Variants in MACROD2 observed in about 807,000 individuals in gnomAD.
MACROD2 encodes ADP-ribose glycohydrolase MACROD2.
Under a neutral mutation model 70.4 loss-of-function variants are expected in MACROD2, and 36 were observed. That is an observed-to-expected ratio of 0.51 (90% CI 0.39 to 0.68). The LOEUF (loss-of-function observed/expected upper bound fraction) is 0.68, where lower values mean the gene tolerates loss of function less well. MACROD2 is among the 30% of genes least tolerant of loss of function. The probability of loss-of-function intolerance (pLI) is 0.00; values close to 1 mark genes in which losing one functional copy is unlikely to be tolerated. For missense variants in MACROD2, 496 were observed against 538.4 expected (o/e 0.92, Z 0.78); for synonymous variants, 172 against 178.8 (o/e 0.96, Z 0.30).
At chr20:15,201,077 C>G (rs570447207) in intron 5 of MACROD2, among the ~76,000 whole-genome samples, 1 of 152,276 alleles carries the variant, frequency 6.6e-6, no homozygotes, top group East Asian at 1.9e-4. Context: ...TGCTGATCTG[C>G]AAACCATAAT....
intron 12 of MACROD2, among the ~76,000 whole-genome samples, chr20:15,967,282 T>C (rs182068169): frequency 1.3e-5 from 2 of 152,280 alleles, no homozygotes; most frequent in East Asian, 1.9e-4. Context: ...CTTTCCCTGA[T>C]GCAAAAAGCC....
At chr20:15,216,390 A>G (rs2076810398) in intron 5 of MACROD2, among the ~76,000 whole-genome samples, 3 of 152,130 alleles carry the variant, frequency 2.0e-5, no homozygotes, top group East Asian at 1.9e-4. Flanking sequence ...TCAAGGATAA[A>G]TAGGAAGTTG....
At chr20:14,956,271 A>T (rs2122751153) in intron 5 of MACROD2, among the ~76,000 whole-genome samples, 1 of 152,272 alleles carries the variant, frequency 6.6e-6, no homozygotes, top group African/African-American at 2.4e-5. Flanking sequence ...CTTGCAATGT[A>T]ATTCACCACT....
At chr20:14,104,617 A>G (rs1480428638) in intron 3 of MACROD2, among the ~76,000 whole-genome samples, 1 of 152,132 alleles carries the variant, frequency 6.6e-6, no homozygotes, top group Non-Finnish European at 1.5e-5. Context: ...TTGAGGTTTT[A>G]CCTTAGGCAA....
At chr20:14,422,972 C>T (rs1238423365) in intron 3 of MACROD2, among the ~76,000 whole-genome samples, 1 of 152,178 alleles carries the variant, frequency 6.6e-6, no homozygotes, top group Non-Finnish European at 1.5e-5. Flanking sequence ...ACAGCCTTAG[C>T]TTTTATCAGC....
intron 5 of MACROD2, among the ~76,000 whole-genome samples, chr20:15,133,605 A>G (rs1450974656): frequency 6.6e-6 from 1 of 152,106 alleles, no homozygotes; most frequent in African/African-American, 2.4e-5. Context: ...GTTTCAGAAT[A>G]TTTATCAGAA....
intron 4 of MACROD2, among the ~76,000 whole-genome samples, chr20:14,552,311 T>C (rs907896407): frequency 9.8e-5 from 13 of 132,830 alleles, no homozygotes; most frequent in African/African-American, 3.5e-4. Context: ...ACTATTCATA[T>C]CTCTATGTGG....
intron 5 of MACROD2, among the ~76,000 whole-genome samples, chr20:15,164,313 G>A (rs1440120575): frequency 2.0e-5 from 3 of 152,112 alleles, no homozygotes; most frequent in Admixed American, 1.3e-4. Context: ...AGGAAGATGT[G>A]TGTACATTAT....
At chr20:14,834,870 G>A (rs1449509365) in intron 5 of MACROD2, among the ~76,000 whole-genome samples, 2 of 151,754 alleles carry the variant, frequency 1.3e-5, no homozygotes, top group Admixed American at 6.6e-5. Flanking sequence ...ATTTATATGT[G>A]TGTATATATG....
intron 7 of MACROD2, among the ~76,000 whole-genome samples, chr20:15,477,195 G>A (rs1225874242): frequency 6.8e-6 from 1 of 147,542 alleles, no homozygotes; most frequent in African/African-American, 2.5e-5. Context: ...TGAATTTCTG[G>A]GCTCAAGTGA....
chr20:14,358,307 A>G (rs1476818891), intron 3 of MACROD2, among the ~76,000 whole-genome samples: 1 of 152,222 alleles, frequency 6.6e-6, no homozygotes, highest in Non-Finnish European at 1.5e-5. Context: ...TCTTGGGGAC[A>G]GTTTATAAAA....
At chr20:14,245,669 G>A (rs899397144) in intron 3 of MACROD2, among the ~76,000 whole-genome samples, 25 of 152,152 alleles carry the variant, frequency 1.6e-4, no homozygotes, top group Admixed American at 5.2e-4. Context: ...GAATAGGAGA[G>A]GGGTATTCCA....
chr20:15,717,579 A>G (rs1230077835), intron 8 of MACROD2, among the ~76,000 whole-genome samples: 5 of 152,228 alleles, frequency 3.3e-5, no homozygotes, highest in African/African-American at 1.2e-4. Flanking sequence ...CAAAACAGGG[A>G]TGTGAGCGTG....
At position 15,602,194 on chromosome 20, in the gene MACROD2, G is replaced by A. The variant is rs375604; in HGVS notation, c.645+102347G>A. ...AAGCTGGAGCTACCAGCCTCTATACGGATTGACTTAGCTAAAGAAAGCCCG... is the reference window on the plus strand; with the variant it reads ...AAGCTGGAGCTACCAGCCTCTATACAGATTGACTTAGCTAAAGAAAGCCCG... On this transcript the variant is annotated intron_variant, in intron 8 of 17. Transcript: ENST00000684519. 5.0e-3 allele frequency among the ~76,000 whole-genome samples: 760 copies of A among 152,164 alleles called. 4 individuals are homozygous for A. Among genetic ancestry groups the A allele is most frequent in the Middle Eastern group, 0.014 (4 of 294 alleles).
intron 8 of MACROD2, among the ~76,000 whole-genome samples, chr20:15,780,077 G>T (rs1413311823): frequency 6.6e-6 from 1 of 151,790 alleles, no homozygotes; most frequent in Non-Finnish European, 1.5e-5. Context: ...TCAGGGAATT[G>T]CCTTCTGAAT....
intron 3 of MACROD2, chr20:14,127,520 C>T: frequency 2.0e-6 from 1 of 493,426 alleles, no homozygotes. Context: ...GCAAGTTGCT[C>T]TACTTAAGGA....
chr20:14,910,717 C>T (rs561125037), intron 5 of MACROD2, among the ~76,000 whole-genome samples: 1 of 152,266 alleles, frequency 6.6e-6, no homozygotes, highest in South Asian at 2.1e-4. Flanking sequence ...ATCTTGGAGA[C>T]TCAGTTCTTT....
rs1431019485 is a variant in MACROD2, at chr20:16,051,484, T to G, written c.*1608T>G. On this transcript the variant is annotated 3_prime_UTR_variant, in exon 18 of 18. Transcript: ENST00000684519. ...ATACTTCAGCATATGCACTATATTC[T>G]AACAAATTTTTTTTAATAAAATCAA... 4 of 152,110 alleles carry G rather than the reference T, an allele frequency of 2.6e-5. No homozygotes were observed. Among genetic ancestry groups the G allele is most frequent in the African/African-American group, 9.7e-5 (4 of 41,390 alleles). The allele number at this position is 152,110 out of a possible 1,614,324, so 9.4% of individuals were successfully genotyped here. A position where few individuals can be genotyped will look rare whatever the true frequency, so the allele number is the denominator to read the frequency against.
At chr20:14,906,068 TAAG>T (rs1372207964) in intron 5 of MACROD2, 1 of 152,162 alleles carries the variant, frequency 6.6e-6, no homozygotes, top group Non-Finnish European at 1.5e-5. Context: ...GAGGAACAAA[TAAG>T]AAAGAATTAC....
Sources: allele counts gnomAD v4.1 joint callset (sites outside exome capture counted in the v4.1 genomes callset), GRCh38; gene constraint gnomAD v4.1.1; transcripts MANE v1.5; gene names NCBI Gene and HGNC (gene_info 2026-07-23, HGNC 2026-07-21).